ACHE: variants seen among roughly 807,000 people sequenced by gnomAD.
ACHE encodes the protein acetylcholinesterase (Yt blood group).
A neutral mutation model predicts 53.9 loss-of-function variants in ACHE; 19 were observed. The ratio of observed to expected loss-of-function variants is 0.35; its 90% CI spans 0.25 to 0.52. ACHE has a LOEUF of 0.52. ACHE is among the 20% of genes least tolerant of loss of function. The probability of loss-of-function intolerance (pLI) is 0.95; values close to 1 mark genes in which losing one functional copy is unlikely to be tolerated. For missense variants in ACHE, 605 were observed against 849.4 expected (o/e 0.71, Z 3.58); for synonymous variants, 392 against 378.1 (o/e 1.04, Z -0.43).
At position 100,893,236 on chromosome 7, in the gene ACHE, C is replaced by T. The variant is rs1286524208; in HGVS notation, c.997G>A (p.Val333Met). ...TCACTGAGGAAGTCTCCATCTACCA[C>T]AGGCACGAAGGAGAACCGGAAGACG... is the stretch of plus-strand genomic sequence containing the variant. Reference protein sequence around the residue: ...ESVFRFSFVPVVDGDFLSDTP... With the variant: ...ESVFRFSFVPMVDGDFLSDTP... The change falls in exon 2 of 5, where the codon GTG becomes ATG. Residue 333 changes from valine to methionine, a missense_variant. Coordinates refer to ENST00000241069, the MANE Select transcript of ACHE (RefSeq NM_000665.5). The T allele has an allele frequency of 6.2e-7, 1 of 1,614,158 alleles. No individual in the cohort carries two copies. The highest frequency in any genetic ancestry group is 2.2e-5 in the East Asian group (1 of 44,882).
At chr7:100,896,355 G>A (rs542425544), upstream of ACHE, 141 of 155,168 alleles carry the variant, frequency 9.1e-4, no homozygotes, top group Admixed American at 1.8e-3. Context: ...TGGGAGGAGA[G>A]GCATGTGGGA....
chr7:100,892,284 C>G lies in ACHE; in HGVS notation c.1553+50G>C. 6.8e-7 allele frequency: 1 copy of G among 1,473,836 alleles called. No individual in the cohort carries two copies. Among genetic ancestry groups the G allele is most frequent in the African/African-American group, 1.4e-5 (1 of 70,918 alleles). 91.3% of individuals were successfully genotyped at this position (1,473,836 alleles called of 1,614,324 possible). ...GTGTGTCTGCCTTTGTGTGTCCTCC[C>G]GCCCCCGACTCCTGTCCTCCCCAGC... On this transcript the variant is annotated intron_variant, in intron 3 of 4. Coordinates refer to ENST00000241069, the MANE Select transcript of ACHE (RefSeq NM_000665.5). This position sits in a 1 kb window ranked among gnomAD's most constrained non-coding sequence, Gnocchi z 5.2.
intron 1 of ACHE, among the ~76,000 whole-genome samples, chr7:100,895,539 G>C (rs1227325559): frequency 6.6e-6 from 1 of 152,142 alleles, no homozygotes; most frequent in East Asian, 1.9e-4. Context: ...GAGCGATCGG[G>C]GAAGGGGTGC....
chr7:100,891,782 C>CTTT (rs1563034556), intron 3 of ACHE, among the ~76,000 whole-genome samples: 1 of 112,348 alleles, frequency 8.9e-6, no homozygotes. Flanking sequence ...TCTTGGTCTC[C>CTTT]CTTTTTTTTT....
In ACHE at chr7:100,892,337, G is replaced by T. The variant is rs756253277; in HGVS notation, c.1550C>A (p.Thr517Lys). The T allele has an allele frequency of 6.6e-7, 1 of 1,511,920 alleles. No homozygotes were observed. Among genetic ancestry groups the T allele is most frequent in the Non-Finnish European group, 8.9e-7 (1 of 1,128,340 alleles). The allele number at this position is 1,511,920 out of a possible 1,614,324, so 93.7% of individuals were successfully genotyped here. ...LMRYWANFAR[T>K]GDPNEPRDPK... ...TCTCTCCCTCTGCACTGCTGACCCT[G>T]TGCGGGCAAAGTTGGCCCAGTATCG... is the stretch of plus-strand genomic sequence containing the variant. Residue 517 changes from threonine (T) to lysine (K), a missense_variant, in exon 3 of 5, where the codon ACA becomes AAA. Thr to Lys is a moderately conservative substitution (Grantham distance 78). Transcript: ENST00000241069. This position sits in a 1 kb window ranked among gnomAD's most constrained non-coding sequence, Gnocchi z 5.2.
In ACHE at chr7:100,892,892, G is replaced by A; in HGVS notation, c.1069-74C>T. On this transcript the variant is annotated intron_variant, in intron 2 of 4. Transcript: ENST00000241069. The surrounding 1 kb of genome is among the most constrained non-coding windows in gnomAD (Gnocchi z 5.2). Reference sequence around the variant, plus strand: ...ACAAGTAGACAGAAACAGATGGACAGACAAAGAGCCAGAGAGATGAACAGT... The same window carrying A: ...ACAAGTAGACAGAAACAGATGGACAAACAAAGAGCCAGAGAGATGAACAGT... 6 of 1,464,336 alleles carry A rather than the reference G, an allele frequency of 4.1e-6. No individual in the cohort carries two copies. Among genetic ancestry groups the A allele is most frequent in the Non-Finnish European group, 4.5e-6 (5 of 1,104,848 alleles). 90.7% of individuals were successfully genotyped at this position (1,464,336 alleles called of 1,614,324 possible).
intron 2 of ACHE, 59 bp downstream of exon 2, chr7:100,893,106 A>T: frequency 6.5e-7 from 1 of 1,528,784 alleles, no homozygotes; most frequent in Non-Finnish European, 9.0e-7. Flanking sequence ...CCCTGCAGGG[A>T]GGGGAGGGAC....
Position 100,892,767 on chromosome 7 carries a change from C to T in ACHE, c.1120G>A (p.Ala374Thr). 3 of 1,607,726 alleles carry T rather than the reference C, an allele frequency of 1.9e-6. No homozygotes were observed. The highest frequency in any genetic ancestry group is 1.7e-6 in the Non-Finnish European group (2 of 1,178,568). Residue 374 changes from alanine (A) to threonine (T), a missense_variant, in exon 3 of 5, where the codon GCC (alanine) becomes ACC (threonine). By Grantham distance (58) the Ala-to-Thr change is moderately conservative. This residue lies in a region of ACHE where 397 missense variants were observed against 632.5 expected (regional missense o/e 0.63). Transcript: ENST00000241069. This position sits in a 1 kb window ranked among gnomAD's most constrained non-coding sequence, Gnocchi z 5.2. ...DEGSYFLVYG[A>T]PGFSKDNESL... ...TCGTTGTCTTTGCTGAAGCCTGGGG[C>T]CCCGTAAACCAGAAAATACGAGCCC...
chr7:100,895,543 G>C (rs1015928664), intron 1 of ACHE, among the ~76,000 whole-genome samples: 4 of 152,160 alleles, frequency 2.6e-5, no homozygotes, highest in African/African-American at 7.2e-5. Context: ...GATCGGGGAA[G>C]GGGTGCTCGG....
intron 1 of ACHE, 159 bp from the exon 2 acceptor site, chr7:100,894,411 G>A (rs1790916177): frequency 4.0e-6 from 2 of 494,618 alleles, no homozygotes; most frequent in Admixed American, 7.5e-5. Context: ...AAGGAGACAG[G>A]CAGAGACAAG....
In ACHE at chr7:100,892,835, G is replaced by C. The variant is rs766544511; in HGVS notation, c.1069-17C>G. 2 of 1,556,502 alleles carry C rather than the reference G, an allele frequency of 1.3e-6. No homozygotes were observed. Among genetic ancestry groups the C allele is most frequent in the East Asian group, 2.3e-5 (1 of 43,374 alleles). ...CACCAGCACCTGGGGGTGAGGGAGA[G>C]GGGGGTGGGATGGAGCGACAGGCAC... On this transcript the variant is annotated splice_polypyrimidine_tract_variant and intron_variant, in intron 2 of 4. Transcript: ENST00000241069. This position sits in a 1 kb window ranked among gnomAD's most constrained non-coding sequence, Gnocchi z 5.2.
rs747357485 is a variant in ACHE at position 100,892,209 on chromosome 7, C to T, written c.1553+125G>A. ...TTTTATCTACTTTGTGAGCATATCC[C>T]TCTCTGGCTGTTCTATCCTGCCCCT... On this transcript the variant is annotated intron_variant, in intron 3 of 4. Coordinates refer to ENST00000241069, the MANE Select transcript of ACHE (RefSeq NM_000665.5). This position sits in a 1 kb window ranked among gnomAD's most constrained non-coding sequence, Gnocchi z 5.2. 8.0e-7 allele frequency: 1 copy of T among 1,244,144 alleles called. No individual in the cohort carries two copies. The highest frequency in any genetic ancestry group is 2.5e-5 in the South Asian group (1 of 40,538). 77.1% of individuals were successfully genotyped at this position (1,244,144 alleles called of 1,614,324 possible).
At position 100,893,679 on chromosome 7, in the gene ACHE, C is replaced by T; in HGVS notation, c.554G>A (p.Gly185Glu). The change falls in exon 2 of 5, where the codon GGA becomes GAA. Residue 185 changes from glycine (G) to glutamate (E), a missense_variant. Physicochemically the swap from Gly to Glu is moderately conservative, Grantham distance 98. Around this residue, in one of 4 missense-constraint regions of ACHE, gnomAD observed 397 missense variants for 632.5 expected, o/e 0.63. Coordinates refer to ENST00000241069, the MANE Select transcript of ACHE (RefSeq NM_000665.5). ...CGGCAGGGCCAGGAAGCCAAAGGCT[C>T]CCACCCGGTAGTTCATGGACACCAG... ...TVLVSMNYRV[G>E]AFGFLALPGS... The T allele has an allele frequency of 1.2e-6, 2 of 1,613,344 alleles. No individual in the cohort carries two copies. The highest frequency in any genetic ancestry group is 1.7e-6 in the Non-Finnish European group (2 of 1,180,010).
chr7:100,892,329 C>T lies in ACHE; in HGVS notation c.1553+5G>A. The T allele has an allele frequency of 1.3e-6, 2 of 1,512,392 alleles. No individual in the cohort carries two copies. Among genetic ancestry groups the T allele is most frequent in the Non-Finnish European group, 1.8e-6 (2 of 1,128,848 alleles). 93.7% of individuals were successfully genotyped at this position (1,512,392 alleles called of 1,614,324 possible). On this transcript the variant is annotated splice_donor_5th_base_variant and intron_variant, in intron 3 of 4. Transcript: ENST00000241069. The surrounding 1 kb of genome is among the most constrained non-coding windows in gnomAD (Gnocchi z 5.2). ...CCCAGCCTTCTCTCCCTCTGCACTG[C>T]TGACCCTGTGCGGGCAAAGTTGGCC...
intron 1 of ACHE, among the ~76,000 whole-genome samples, chr7:100,895,029 G>A (rs1182509847): frequency 6.6e-6 from 1 of 152,144 alleles, no homozygotes; most frequent in Non-Finnish European, 1.5e-5. Context: ...GGAACTTGGG[G>A]AGGGGGCCTG....
chr7:100,890,696 C>T, intron 4 of ACHE: 3 of 1,323,840 alleles, frequency 2.3e-6, no homozygotes, highest in Non-Finnish European at 2.9e-6. Context: ...CTCCCACTTC[C>T]CCCCAATGTC....
In ACHE at chr7:100,893,619, A is replaced by C. The variant is rs1471611937; in HGVS notation, c.614T>G (p.Leu205Arg). 1 of 1,613,096 alleles carries C rather than the reference A, an allele frequency of 6.2e-7. No individual in the cohort carries two copies. Among genetic ancestry groups the C allele is most frequent in the Admixed American group, 1.7e-5 (1 of 60,028 alleles). ...CCACTGCAGGGCCAGCCTCTGATCC[A>C]GGAGACCCACATTGCCCGGGGCCTC... is the stretch of plus-strand genomic sequence containing the variant. Reference protein sequence around the residue: ...SREAPGNVGLLDQRLALQWVQ... With the variant: ...SREAPGNVGLRDQRLALQWVQ... The change falls in exon 2 of 5, where the codon CTG becomes CGG. Residue 205 changes from leucine to arginine, a missense_variant. By Grantham distance (102) the Leu-to-Arg change is moderately radical. Transcript: ENST00000241069.
chr7:100,890,571 A>G, intron 4 of ACHE: 1 of 1,380,628 alleles, frequency 7.2e-7, no homozygotes, highest in Admixed American at 3.0e-5. Flanking sequence ...GGAGGAGAAA[A>G]GAATGACCGG....
At chr7:100,890,517 T>G (rs1790604629) in intron 4 of ACHE, 182 bp from the exon 5 acceptor site, 5 of 1,418,076 alleles carry the variant, frequency 3.5e-6, no homozygotes, top group Admixed American at 2.6e-5. Flanking sequence ...AGAGGGAGGA[T>G]GAGGGCAGAG....
Sources: allele counts gnomAD v4.1 joint callset (sites outside exome capture counted in the v4.1 genomes callset), GRCh38; gene constraint gnomAD v4.1.1; regional missense constraint gnomAD v4.1.1; non-coding constraint Gnocchi (gnomAD v3.1); transcripts MANE v1.5; gene names NCBI Gene and HGNC (gene_info 2026-07-23, HGNC 2026-07-21).